PPP6R3: variants seen among roughly 807,000 people sequenced by gnomAD.
PPP6R3 encodes the protein serine/threonine-protein phosphatase 6 regulatory subunit 3.
Under a neutral mutation model 110.7 loss-of-function variants are expected in PPP6R3, and 38 were observed. The ratio of observed to expected loss-of-function variants is 0.34; its 90% CI spans 0.26 to 0.45. The LOEUF (loss-of-function observed/expected upper bound fraction) is 0.45. Ranked by LOEUF, PPP6R3 falls within the 20% of genes least tolerant of loss-of-function variation. The pLI, the probability that PPP6R3 is intolerant of heterozygous loss-of-function variation, is 1.00. For missense variants in PPP6R3, 870 were observed against 1,062.4 expected (o/e 0.82, Z 2.52); for synonymous variants, 369 against 373.5 (o/e 0.99, Z 0.14).
Position 68,567,037 on chromosome 11 carries a change from G to T in PPP6R3, c.999G>T (p.Trp333Cys). 6.5e-7 allele frequency: 1 copy of T among 1,550,312 alleles called. No individual in the cohort carries two copies. The highest frequency in any genetic ancestry group is 8.7e-7 in the Non-Finnish European group (1 of 1,146,542). The part of the protein sequence containing the change: ...PPKKSVMKTT[W>C]GVLDPPVGNT... The stretch of plus-strand genomic sequence containing the variant: ...AGAAAAGTGTGATGAAGACCACATG[G>T]GGTGTGCTGGATCCTCCTGTGGGGA... The change falls in exon 10 of 24, where the codon TGG becomes TGT. Residue 333 changes from tryptophan (W) to cysteine (C), a missense_variant. Transcript: ENST00000393800.
At chr11:68,532,756 A>G (rs1028399767) in intron 2 of PPP6R3, among the ~76,000 whole-genome samples, 2 of 152,224 alleles carry the variant, frequency 1.3e-5, no homozygotes, top group Non-Finnish European at 2.9e-5. Context: ...GTGTCTGTTC[A>G]GATACACAAG....
chr11:68,588,098 G>C, intron 16 of PPP6R3, 74 bp downstream of exon 16: 1 of 1,312,720 alleles, frequency 7.6e-7, no homozygotes. Flanking sequence ...GTGATTCTGC[G>C]GGATTCTTAG....
chr11:68,601,819 ACCATT>A, intron 20 of PPP6R3, 39 bp from the exon 21 acceptor site: 1 of 1,494,540 alleles, frequency 6.7e-7, no homozygotes, highest in African/African-American at 1.4e-5. Context: ...GTAACTGAGG[ACCATT>A]CCCTGCTGCT....
chr11:68,525,205 C>T (rs1047132225), intron 2 of PPP6R3, among the ~76,000 whole-genome samples: 5 of 152,186 alleles, frequency 3.3e-5, no homozygotes, highest in Admixed American at 6.5e-5. Context: ...GAGAACAAAA[C>T]CTTGAAGGTA....
intron 1 of PPP6R3, among the ~76,000 whole-genome samples, chr11:68,511,495 T>TGTGTGTGTGTGTGTGTGTGTGTGTG (rs56327782): frequency 4.1e-5 from 6 of 147,786 alleles, no homozygotes; most frequent in South Asian, 4.3e-4. Context: ...TGTGTGTGTG[T>TGTGTGTGTGTGTGTGTGTGTGTGTG]TTTGAGTTGG....
chr11:68,552,447 C>T (rs1305112219), intron 6 of PPP6R3, among the ~76,000 whole-genome samples: 1 of 152,244 alleles, frequency 6.6e-6, no homozygotes, highest in Admixed American at 6.5e-5. Flanking sequence ...GTCACTTCCC[C>T]ATTATCCCTC....
chr11:68,529,853 C>T (rs1048911437), intron 2 of PPP6R3, among the ~76,000 whole-genome samples: 3 of 152,118 alleles, frequency 2.0e-5, no homozygotes, highest in Non-Finnish European at 4.4e-5. Context: ...TGGAAAACAT[C>T]GTTAGTGATT....
chr11:68,594,346 G>A (rs1593817419), intron 18 of PPP6R3, among the ~76,000 whole-genome samples: 1 of 143,730 alleles, frequency 7.0e-6, no homozygotes, highest in Non-Finnish European at 1.6e-5. Flanking sequence ...GAGAGAGAGA[G>A]TGAGAGAGAG....
chr11:68,589,276 C>T (rs1367349981), intron 16 of PPP6R3, among the ~76,000 whole-genome samples: 1 of 152,044 alleles, frequency 6.6e-6, no homozygotes, highest in Non-Finnish European at 1.5e-5. Flanking sequence ...TGGGGCATCA[C>T]GTTCCAGCAG....
chr11:68,550,878 T>G, intron 5 of PPP6R3: 1 of 412,630 alleles, frequency 2.4e-6, no homozygotes, highest in Non-Finnish European at 4.3e-6. Flanking sequence ...AGCTGATATA[T>G]AGAATTTTAG....
intron 9 of PPP6R3, among the ~76,000 whole-genome samples, chr11:68,564,949 T>C (rs952898513): frequency 1.2e-4 from 19 of 152,218 alleles, no homozygotes; most frequent in African/African-American, 4.6e-4. Context: ...ACAAGAGTTT[T>C]GTCAGCAGTC....
intron 1 of PPP6R3, among the ~76,000 whole-genome samples, chr11:68,497,184 C>G (rs1397942806): frequency 6.6e-6 from 1 of 150,516 alleles, no homozygotes; most frequent in Non-Finnish European, 1.5e-5. Context: ...GTAGCTGGGA[C>G]TACAGGTGCC....
chr11:68,474,303 C>T (rs1161351082), intron 1 of PPP6R3, among the ~76,000 whole-genome samples: 1 of 152,202 alleles, frequency 6.6e-6, no homozygotes, highest in Non-Finnish European at 1.5e-5. Flanking sequence ...ACCTTGGCCT[C>T]TCAAAGTGTT....
At chr11:68,573,011 G>C (rs2099513705) in intron 12 of PPP6R3, among the ~76,000 whole-genome samples, 2 of 148,808 alleles carry the variant, frequency 1.3e-5, no homozygotes, top group African/African-American at 5.0e-5. Flanking sequence ...TGCAGTGTTT[G>C]TTCCCTGCTA....
At chr11:68,480,257 T>C (rs146758467) in intron 1 of PPP6R3, among the ~76,000 whole-genome samples, 118 of 152,356 alleles carry the variant, frequency 7.7e-4, no homozygotes, top group African/African-American at 2.7e-3. Context: ...TGAAAACTTA[T>C]TTCCTCTTGT....
rs1357759642 is a variant in PPP6R3 at position 68,489,270 on chromosome 11, C to T, written c.-158+28443C>T. ...TCCTGACCTCATGATCCGCCCGCCTCGGCCTCCCAAATATTTTTTTGTTTG... is the reference window on the plus strand; with the variant it reads ...TCCTGACCTCATGATCCGCCCGCCTTGGCCTCCCAAATATTTTTTTGTTTG... On this transcript the variant is annotated intron_variant, in intron 1 of 23. Transcript: ENST00000393800. Among the ~76,000 whole-genome samples the T allele has an allele frequency of 1.5e-4, 23 of 152,230 alleles. No homozygotes were observed. The East Asian group carries it at 3.5e-3, about 23-fold the overall frequency.
At chr11:68,501,389 G>A (rs140453489) in intron 1 of PPP6R3, among the ~76,000 whole-genome samples, 18 of 152,294 alleles carry the variant, frequency 1.2e-4, no homozygotes, top group South Asian at 4.1e-4. Flanking sequence ...GGGCAGTGGC[G>A]GGATCTCGGC....
chr11:68,612,030 A>G (rs1434090400), intron 23 of PPP6R3, among the ~76,000 whole-genome samples: 1 of 152,100 alleles, frequency 6.6e-6, no homozygotes, highest in Non-Finnish European at 1.5e-5. Flanking sequence ...TACTTATTTC[A>G]TATGTATACT....
chr11:68,565,652 G>A (rs1326771323), intron 9 of PPP6R3, among the ~76,000 whole-genome samples: 2 of 152,010 alleles, frequency 1.3e-5, no homozygotes, highest in Non-Finnish European at 2.9e-5. Context: ...CTTCTTTCTG[G>A]GTGGACAAAC....
Sources: allele counts gnomAD v4.1 joint callset (sites outside exome capture counted in the v4.1 genomes callset), GRCh38; gene constraint gnomAD v4.1.1; transcripts MANE v1.5; gene names NCBI Gene and HGNC (gene_info 2026-07-23, HGNC 2026-07-21).